RHBDL2: variants seen among roughly 807,000 people sequenced by gnomAD.
The protein encoded by RHBDL2 is rhomboid like 2, also known as rhomboid-related protein 2.
Under a neutral mutation model 31.7 loss-of-function variants are expected in RHBDL2, and 26 were observed. That is an observed-to-expected ratio of 0.82 (90% CI 0.60 to 1.14). The LOEUF (loss-of-function observed/expected upper bound fraction) is 1.14. Among genes scored for constraint, RHBDL2 ranks in the 50% most tolerant of loss-of-function variants. RHBDL2 has a pLI of 0.00. For synonymous variants in RHBDL2, 123 were observed against 127.2 expected, an observed-to-expected ratio of 0.97 and a Z score of 0.22; for missense variants, 336 against 364.4, an observed-to-expected ratio of 0.92 and a Z score of 0.63.
chr1:38,919,996 T>C (rs1170899240), intron 1 of RHBDL2, among the ~76,000 whole-genome samples: 1 of 152,172 alleles, frequency 6.6e-6, no homozygotes, highest in East Asian at 1.9e-4. Flanking sequence ...CCCATACCTG[T>C]TAAGCAGTTA....
chr1:38,923,572 T>C (rs10789520), intron 1 of RHBDL2, among the ~76,000 whole-genome samples: 38,782 of 152,130 alleles, frequency 0.25, 7,162 homozygotes, highest in African/African-American at 0.52. Flanking sequence ...TAGGTCAAAC[T>C]TGGGATACAG....
At chr1:38,912,077 T>A (rs1372594342) in intron 3 of RHBDL2, among the ~76,000 whole-genome samples, 1 of 152,108 alleles carries the variant, frequency 6.6e-6, no homozygotes, top group African/African-American at 2.4e-5. Context: ...GTTCAAGCGA[T>A]TCTCCTGCCT....
intron 1 of RHBDL2, among the ~76,000 whole-genome samples, chr1:38,928,974 G>A (rs1643410308): frequency 6.6e-6 from 1 of 152,102 alleles, no homozygotes; most frequent in Non-Finnish European, 1.5e-5. Flanking sequence ...GGGAGGCTGA[G>A]GCAGGAGGAT....
At chr1:38,897,322 G>T (rs1003385029) in intron 4 of RHBDL2, among the ~76,000 whole-genome samples, 2 of 152,008 alleles carry the variant, frequency 1.3e-5, no homozygotes, top group Non-Finnish European at 2.9e-5. Flanking sequence ...GGATGGTCTC[G>T]ATCTCCTGAC....
chr1:38,886,405 G>T lies in RHBDL2; in HGVS notation c.*99C>A, dbSNP rs2124295470. 2 of 916,028 alleles carry T rather than the reference G, an allele frequency of 2.2e-6. No homozygotes were observed. Among genetic ancestry groups the T allele is most frequent in the Non-Finnish European group, 3.1e-6 (2 of 639,290 alleles). 56.7% of individuals were successfully genotyped at this position (916,028 alleles called of 1,614,324 possible). On this transcript the variant is annotated 3_prime_UTR_variant, in exon 8 of 8. Transcript: ENST00000372990. ...TTTTGTCCTCTATATAAAATTGTTA[G>T]CCTTTTCTGAGACTTCTCTGTTTCT... is the stretch of plus-strand genomic sequence containing the variant.
At chr1:38,896,959 T>G (rs1328574017) in intron 4 of RHBDL2, among the ~76,000 whole-genome samples, 1 of 152,172 alleles carries the variant, frequency 6.6e-6, no homozygotes, top group African/African-American at 2.4e-5. Context: ...ACAACTATTA[T>G]AAAGTACAGA....
intron 4 of RHBDL2, among the ~76,000 whole-genome samples, chr1:38,910,744 A>C: frequency 7.3e-6 from 1 of 137,358 alleles, no homozygotes; most frequent in East Asian, 2.1e-4. Flanking sequence ...AGTTTTCTTT[A>C]TTCCTTTTCT....
At chr1:38,891,801 G>T (rs1299785430) in intron 6 of RHBDL2, among the ~76,000 whole-genome samples, 1 of 152,134 alleles carries the variant, frequency 6.6e-6, no homozygotes, top group African/African-American at 2.4e-5. Flanking sequence ...CATAGAAATT[G>T]CAAAATCCTG....
intron 3 of RHBDL2, among the ~76,000 whole-genome samples, chr1:38,914,959 G>A (rs1012549972): frequency 6.7e-6 from 1 of 149,430 alleles, no homozygotes; most frequent in Admixed American, 6.7e-5. Flanking sequence ...AACCCAGGAG[G>A]CGGAGGTTGC....
At chr1:38,912,910 A>ATATATATATATATATATGTGTG (rs1399583863) in intron 3 of RHBDL2, among the ~76,000 whole-genome samples, 1 of 41,372 alleles carries the variant, frequency 2.4e-5, no homozygotes, top group African/African-American at 9.2e-5. Context: ...ATATATATAT[A>ATATATATATATATATATGTGTG]TGTGTGTGTG....
At chr1:38,909,441 C>A (rs1263849812) in intron 4 of RHBDL2, among the ~76,000 whole-genome samples, 1 of 152,158 alleles carries the variant, frequency 6.6e-6, no homozygotes, top group Non-Finnish European at 1.5e-5. Flanking sequence ...AGAAAACATT[C>A]TTTAAATGTT....
At chr1:38,888,132 T>G (rs1642809821) in intron 6 of RHBDL2, 108 bp from the exon 7 acceptor site, 20 of 690,062 alleles carry the variant, frequency 2.9e-5, no homozygotes, top group Middle Eastern at 5.5e-4. Flanking sequence ...TTATTGATAC[T>G]TAACTCTGTG....
chr1:38,912,073 G>A (rs1443654873), intron 3 of RHBDL2, among the ~76,000 whole-genome samples: 1 of 151,960 alleles, frequency 6.6e-6, no homozygotes, highest in Admixed American at 6.6e-5. Flanking sequence ...CTGAGTTCAA[G>A]CGATTCTCCT....
At chr1:38,893,633 C>T (rs1021034137) in intron 5 of RHBDL2, among the ~76,000 whole-genome samples, 2 of 150,840 alleles carry the variant, frequency 1.3e-5, no homozygotes, top group South Asian at 2.1e-4. Flanking sequence ...AAAGACTTAA[C>T]TGAGATTTGA....
intron 6 of RHBDL2, among the ~76,000 whole-genome samples, 183 bp downstream of exon 6, chr1:38,892,981 A>T (rs1642873065): frequency 6.6e-6 from 1 of 152,136 alleles, no homozygotes; most frequent in African/African-American, 2.4e-5. Context: ...TAATATGTAA[A>T]ATTTATCTTT....
At chr1:38,902,113 T>C (rs1382342334) in intron 4 of RHBDL2, among the ~76,000 whole-genome samples, 1 of 150,134 alleles carries the variant, frequency 6.7e-6, no homozygotes, top group African/African-American at 2.4e-5. Flanking sequence ...TTCTGGACCA[T>C]AAAACAAATC....
intron 1 of RHBDL2, among the ~76,000 whole-genome samples, chr1:38,929,850 C>CT (rs1246702039): frequency 6.6e-6 from 1 of 152,044 alleles, no homozygotes; most frequent in Non-Finnish European, 1.5e-5. Context: ...TGAAAGGATG[C>CT]TTTTTTAGCT....
At chr1:38,929,771 G>A (rs376560918) in intron 1 of RHBDL2, among the ~76,000 whole-genome samples, 1 of 152,204 alleles carries the variant, frequency 6.6e-6, no homozygotes, top group African/African-American at 2.4e-5. Flanking sequence ...GAGCTTAGCA[G>A]CCTCCTTCAT....
chr1:38,895,969 C>T lies in RHBDL2; in HGVS notation c.609G>A (p.Val203=). 6.2e-7 allele frequency: 1 copy of T among 1,600,070 alleles called. No homozygotes were observed. Among genetic ancestry groups the T allele is most frequent in the Non-Finnish European group, 8.6e-7 (1 of 1,167,586 alleles). The change falls in exon 5 of 8, where the codon GTG becomes GTA. Residue 203 remains valine (V), a splice_region_variant and synonymous_variant. Transcript: ENST00000372990. ...TGGACTCCATCCCCATGGTTCTTAC[C>T]ACCAGAACATTCATAAAATAGCCTC... The part of the protein sequence containing the change: ...LMGGYFMNVL[V]NFQEMIPAFG...
Sources: allele counts gnomAD v4.1 joint callset (sites outside exome capture counted in the v4.1 genomes callset), GRCh38; gene constraint gnomAD v4.1.1; transcripts MANE v1.5; gene names NCBI Gene and HGNC (gene_info 2026-07-23, HGNC 2026-07-21).